CACNB4: variants seen among roughly 807,000 people sequenced by gnomAD.
CACNB4 encodes calcium voltage-gated channel auxiliary subunit beta 4.
CACNB4 carries 32 observed loss-of-function variants against 71.2 expected under a neutral mutation model. The ratio of observed to expected loss-of-function variants is 0.45; its 90% CI spans 0.34 to 0.60. The LOEUF (loss-of-function observed/expected upper bound fraction) is 0.60. CACNB4 is among the 20% of genes least tolerant of loss of function. The pLI is 0.01. For synonymous variants in CACNB4, 231 were observed against 236.9 expected, an observed-to-expected ratio of 0.97 and a Z score of 0.23; for missense variants, 464 against 647.9, an observed-to-expected ratio of 0.72 and a Z score of 3.08.
chr2:151,853,627 T>C (rs2099839583), intron 11 of CACNB4, 84 bp from the exon 12 acceptor site: 2 of 748,694 alleles, frequency 2.7e-6, no homozygotes, highest in Non-Finnish European at 4.5e-6. Flanking sequence ...AATGGTCTGC[T>C]TGGCCCTGAG....
At chr2:152,003,778 A>T (rs982139153) in intron 2 of CACNB4, among the ~76,000 whole-genome samples, 30 of 152,120 alleles carry the variant, frequency 2.0e-4, no homozygotes, top group African/African-American at 7.0e-4. Context: ...AAGATTTTTA[A>T]GTTAGTTGAG....
At chr2:151,932,237 T>C (rs2099861798) in intron 2 of CACNB4, among the ~76,000 whole-genome samples, 1 of 151,830 alleles carries the variant, frequency 6.6e-6, no homozygotes, top group Non-Finnish European at 1.5e-5. Flanking sequence ...AAATTACAAA[T>C]TATAAGAGTG....
chr2:151,869,325 C>T (rs930346525), intron 8 of CACNB4, 90 bp from the exon 9 acceptor site: 2 of 768,326 alleles, frequency 2.6e-6, no homozygotes, highest in East Asian at 2.7e-5. Flanking sequence ...GGGAAGGGTA[C>T]TATGAGCCAA....
chr2:151,963,260 C>G (rs1242388510), intron 2 of CACNB4, among the ~76,000 whole-genome samples: 1 of 144,442 alleles, frequency 6.9e-6, no homozygotes, highest in African/African-American at 2.6e-5. Context: ...TGTAGTGAGC[C>G]GAGATTGCGC....
chr2:151,973,688 C>T (rs1157398285), intron 2 of CACNB4: 3 of 1,613,484 alleles, frequency 1.9e-6, no homozygotes, highest in African/African-American at 1.3e-5. Context: ...GTCTTCAATT[C>T]CATGCAGGTA....
intron 2 of CACNB4, among the ~76,000 whole-genome samples, chr2:152,039,989 T>C (rs2105238565): frequency 6.6e-6 from 1 of 152,374 alleles, no homozygotes; most frequent in African/African-American, 2.4e-5. Flanking sequence ...GCAATGAGTA[T>C]ACTTTATATC....
At chr2:152,050,424 G>A (rs937850477) in intron 2 of CACNB4, among the ~76,000 whole-genome samples, 4 of 152,206 alleles carry the variant, frequency 2.6e-5, no homozygotes, top group African/African-American at 9.6e-5. Context: ...CCTCTAATCA[G>A]TTGCAATCAA....
chr2:151,870,559 A>G lies in CACNB4; in HGVS notation c.671T>C (p.Leu224Ser). The G allele has an allele frequency of 6.2e-7, 1 of 1,613,854 alleles. No homozygotes were observed. Among genetic ancestry groups the G allele is most frequent in the Non-Finnish European group, 8.5e-7 (1 of 1,179,792 alleles). The change falls in exon 8 of 14, where the codon TTA becomes TCA. Residue 224 changes from leucine (L) to serine (S), a missense_variant. By Grantham distance (145) the Leu-to-Ser change is moderately radical. Around this residue, in one of 3 missense-constraint regions of CACNB4, gnomAD observed 299 missense variants for 471.7 expected, o/e 0.63. Coordinates refer to ENST00000539935, the MANE Select transcript of CACNB4 (RefSeq NM_000726.5). ...DVVPSMRPVV[L>S]VGPSLKGYEV... is the part of the protein sequence containing the mutation. ...GTAACCTTTCAGTGACGGCCCCACTAACACCACCGGACGCATTGACGGTAC... is the reference window on the plus strand; with the variant it reads ...GTAACCTTTCAGTGACGGCCCCACTGACACCACCGGACGCATTGACGGTAC...
intron 10 of CACNB4, chr2:151,859,626 A>G (rs565590180): frequency 6.6e-6 from 1 of 152,336 alleles, no homozygotes; most frequent in East Asian, 1.9e-4. Context: ...TGCATGTGGA[A>G]GGCTCTAAAT....
chr2:151,842,657 A>G (rs983220512), intron 12 of CACNB4, among the ~76,000 whole-genome samples: 8 of 152,154 alleles, frequency 5.3e-5, no homozygotes, highest in Non-Finnish European at 1.5e-5. Context: ...TTAGAAAGAA[A>G]AAGATGAAGT....
At chr2:151,846,097 CT>C (rs1196677853) in intron 12 of CACNB4, among the ~76,000 whole-genome samples, 1 of 152,156 alleles carries the variant, frequency 6.6e-6, no homozygotes, top group African/African-American at 2.4e-5. Flanking sequence ...CTGTTTGGTA[CT>C]CCATTTACAG....
At chr2:151,997,073 G>C (rs189600272) in intron 2 of CACNB4, among the ~76,000 whole-genome samples, 1 of 152,306 alleles carries the variant, frequency 6.6e-6, no homozygotes. Flanking sequence ...GTAGTGAGCT[G>C]AGTGATGACC....
At position 151,833,001 on chromosome 2, in the gene CACNB4, T is replaced by G. The variant is rs558030567; in HGVS notation, c.*6118A>C. 1.3e-5 allele frequency: 2 copies of G among 152,282 alleles called. No individual in the cohort carries two copies. Among genetic ancestry groups the G allele is most frequent in the South Asian group, 2.1e-4 (1 of 4,832 alleles). The allele number at this position is 152,282 out of a possible 1,614,324, so 9.4% of individuals were successfully genotyped here. A position where few individuals can be genotyped will look rare whatever the true frequency, so the allele number is the denominator to read the frequency against. ...CAGCACTGTACACATTTGCATAGTA[T>G]ATTTTACCCAGCATGCCTTGTAGAA... On this transcript the variant is annotated 3_prime_UTR_variant, in exon 14 of 14. Transcript: ENST00000539935.
intron 2 of CACNB4, chr2:151,970,508 C>G (rs376752193): frequency 1.3e-5 from 2 of 152,126 alleles, no homozygotes; most frequent in African/African-American, 4.8e-5. Flanking sequence ...ATGAAATACA[C>G]GTACACACTA....
chr2:151,964,313 A>C (rs2099870474), intron 2 of CACNB4, among the ~76,000 whole-genome samples: 1 of 152,186 alleles, frequency 6.6e-6, no homozygotes, highest in Non-Finnish European at 1.5e-5. Flanking sequence ...TGCATTTTTA[A>C]AGATTACAAA....
intron 2 of CACNB4, among the ~76,000 whole-genome samples, chr2:152,061,218 A>G (rs1685995529): frequency 6.6e-6 from 1 of 152,122 alleles, no homozygotes; most frequent in African/African-American, 2.4e-5. Flanking sequence ...AGGCTAGGGT[A>G]GAAGGATTGC....
chr2:151,859,249 C>G (rs72997428), intron 10 of CACNB4: 1 of 152,198 alleles, frequency 6.6e-6, no homozygotes, highest in African/African-American at 2.4e-5. Context: ...CCCCCATCCA[C>G]CCCACTGACT....
chr2:151,870,136 C>A, intron 8 of CACNB4: 1 of 625,572 alleles, frequency 1.6e-6, no homozygotes, highest in South Asian at 1.9e-5. Context: ...TCTGTTTGGG[C>A]TTTAAAGGTT....
intron 6 of CACNB4, chr2:151,871,427 A>G (rs2099844602): frequency 6.6e-6 from 1 of 152,354 alleles, no homozygotes; most frequent in African/African-American, 2.4e-5. Context: ...TAAATTTATA[A>G]TGAGTTATTC....
Sources: gnomAD v4.1 joint callset for allele counts (sites outside exome capture counted in the v4.1 genomes callset) on GRCh38, gnomAD v4.1.1 for gene constraint, gnomAD v4.1.1 regional missense constraint, MANE v1.5 for transcripts, NCBI Gene and HGNC (gene_info 2026-07-23, HGNC 2026-07-21) for gene names.